The following STAG1 variants were observed in gnomAD, a reference collection of about 807,000 sequenced individuals.
STAG1 encodes cohesin subunit SA-1.
Under a neutral mutation model 170.9 loss-of-function variants are expected in STAG1, and 26 were observed. That is an observed-to-expected ratio of 0.15 (90% confidence interval 0.11 to 0.21). STAG1 has a LOEUF of 0.21. STAG1 is among the 10% of genes least tolerant of loss of function. STAG1 has a pLI of 1.00. For synonymous variants in STAG1, 514 were observed against 497.7 expected (o/e 1.03, Z -0.44); for missense variants, 964 against 1,509.5 (o/e 0.64, Z 5.99).
At chr3:136,435,141 G>C (rs144732327) in intron 15 of STAG1, among the ~76,000 whole-genome samples, 1 of 152,096 alleles carries the variant, frequency 6.6e-6, no homozygotes, top group Admixed American at 6.6e-5. Context: ...GAATATATAA[G>C]CAAGTTTCCC....
intron 28 of STAG1, among the ~76,000 whole-genome samples, chr3:136,350,594 A>G (rs781439754): frequency 6.6e-6 from 1 of 152,130 alleles, no homozygotes; most frequent in Non-Finnish European, 1.5e-5. Context: ...CTGCTCAAAG[A>G]GCCAGAGGTG....
rs571220351 is a variant in STAG1, at chr3:136,341,778, C to T, written c.3447-227G>A. Among the ~76,000 whole-genome samples the T allele has an allele frequency of 2.0e-5, 3 of 152,296 alleles. No homozygotes were observed. In the East Asian group the frequency reaches 5.8e-4, roughly 29 times the overall value. On this transcript the variant is annotated intron_variant, in intron 30 of 33. Transcript: ENST00000383202. ...ATTGTTAGATGCTTAAACTATCAAC[C>T]AAATCTCTGCCAAACAAGGGTTCTC...
intron 1 of STAG1, among the ~76,000 whole-genome samples, chr3:136,684,751 G>A (rs745384529): frequency 5.5e-5 from 8 of 146,510 alleles, no homozygotes; most frequent in Non-Finnish European, 1.2e-4. Context: ...ACTCCAGACT[G>A]GGCAACAGAG....
In STAG1 at chr3:136,413,436, C is replaced by A. The variant is rs2087684946; in HGVS notation, c.2196+4449G>T. On this transcript the variant is annotated intron_variant, in intron 21 of 33. Coordinates refer to ENST00000383202, the MANE Select transcript of STAG1 (RefSeq NM_005862.3). ...AAAAAATTATTAGAATACGTAATTTCTTTTTGATCTGCCACATATTATTAT... is the reference window on the plus strand; with the variant it reads ...AAAAAATTATTAGAATACGTAATTTATTTTTGATCTGCCACATATTATTAT... 2.6e-5 allele frequency among the ~76,000 whole-genome samples: 4 copies of A among 151,338 alleles called. 1 individual carries two copies. In the South Asian group the frequency reaches 8.3e-4, roughly 31 times the overall value.
chr3:136,356,389 C>T (rs1266196488), intron 28 of STAG1, among the ~76,000 whole-genome samples: 2 of 152,036 alleles, frequency 1.3e-5, no homozygotes, highest in African/African-American at 4.8e-5. Flanking sequence ...TTTAAAAAAT[C>T]GACTGATTGA....
At position 136,422,406 on chromosome 3, in the gene STAG1, A is replaced by C; in HGVS notation, c.2037+4T>G. ...TATATGTACACATTAACTTTAGAAC[A>C]GACCTCTTGCAATAGGTCTTCCACA... On this transcript the variant is annotated splice_donor_region_variant and intron_variant, in intron 19 of 33. Transcript: ENST00000383202. 1 of 1,613,716 alleles carries C rather than the reference A, an allele frequency of 6.2e-7. No individual in the cohort carries two copies. The highest frequency in any genetic ancestry group is 8.5e-7 in the Non-Finnish European group (1 of 1,179,690).
chr3:136,579,958 ATTTTTTTTTTTTTT>A (rs749325884), intron 4 of STAG1, among the ~76,000 whole-genome samples: 8 of 73,626 alleles, frequency 1.1e-4, no homozygotes, highest in African/African-American at 2.9e-4. Flanking sequence ...TACCATCTGA[ATTTTTTTTTTTTTT>A]TTTTTTTTTT....
intron 4 of STAG1, among the ~76,000 whole-genome samples, chr3:136,583,626 T>C (rs1324937728): frequency 6.6e-6 from 1 of 151,906 alleles, no homozygotes; most frequent in African/African-American, 2.4e-5. Flanking sequence ...CTGTCTCTAC[T>C]AAAAATACAA....
chr3:136,598,504 G>A (rs1938526944), intron 4 of STAG1, among the ~76,000 whole-genome samples: 1 of 150,732 alleles, frequency 6.6e-6, no homozygotes, highest in African/African-American at 2.4e-5. Flanking sequence ...TCGGCTCACT[G>A]CAAGCTCCAC....
chr3:136,408,090 T>G (rs1303506664), intron 21 of STAG1, among the ~76,000 whole-genome samples: 1 of 152,198 alleles, frequency 6.6e-6, no homozygotes, highest in African/African-American at 2.4e-5. Flanking sequence ...TTTATCCTTC[T>G]GTATTTAACT....
intron 6 of STAG1, among the ~76,000 whole-genome samples, chr3:136,526,441 T>A (rs559889114): frequency 6.6e-6 from 1 of 152,308 alleles, no homozygotes; most frequent in East Asian, 1.9e-4. Flanking sequence ...TGTTTTCCAT[T>A]TGCTTGGTAG....
chr3:136,544,345 A>G (rs977406339), intron 5 of STAG1, among the ~76,000 whole-genome samples: 1 of 152,180 alleles, frequency 6.6e-6, no homozygotes, highest in Non-Finnish European at 1.5e-5. Flanking sequence ...ATAAACTCCA[A>G]GCCTTCTATA....
At chr3:136,473,261 A>G (rs567915269) in intron 11 of STAG1, among the ~76,000 whole-genome samples, 1 of 152,238 alleles carries the variant, frequency 6.6e-6, no homozygotes, top group African/African-American at 2.4e-5. Flanking sequence ...GAGTTGTATA[A>G]TTGTTTCATT....
At chr3:136,497,172 T>C (rs1311973770) in intron 9 of STAG1, among the ~76,000 whole-genome samples, 1 of 152,128 alleles carries the variant, frequency 6.6e-6, no homozygotes, top group Non-Finnish European at 1.5e-5. Flanking sequence ...GAAGAAATAA[T>C]ACCAGTTCTA....
intron 5 of STAG1, among the ~76,000 whole-genome samples, chr3:136,546,990 A>G (rs1277508803): frequency 6.6e-6 from 1 of 152,074 alleles, no homozygotes; most frequent in Non-Finnish European, 1.5e-5. Context: ...TGCCACTAAG[A>G]TTTTCTCAAC....
At chr3:136,463,863 A>T (rs1359966686) in intron 13 of STAG1, among the ~76,000 whole-genome samples, 1 of 146,398 alleles carries the variant, frequency 6.8e-6, no homozygotes, top group Non-Finnish European at 1.5e-5. Flanking sequence ...ATATATATTT[A>T]TATATACATA....
intron 29 of STAG1, among the ~76,000 whole-genome samples, chr3:136,348,390 C>A (rs17200216): frequency 0.2 from 29,831 of 151,208 alleles, 3,236 homozygotes; most frequent in Non-Finnish European, 0.24. Context: ...GGTTATAAAA[C>A]CAGATTTAGC....
At chr3:136,432,514 T>TTG (rs1491362787) in intron 16 of STAG1, among the ~76,000 whole-genome samples, 1 of 100,388 alleles carries the variant, frequency 1.0e-5, no homozygotes, top group Admixed American at 9.1e-5. Flanking sequence ...TCTTTTTTTT[T>TTG]GGGGGGGGGG....
At chr3:136,466,511 C>T (rs1278623077) in intron 12 of STAG1, among the ~76,000 whole-genome samples, 2 of 152,072 alleles carry the variant, frequency 1.3e-5, no homozygotes, top group Non-Finnish European at 2.9e-5. Context: ...CGTAAAAAGA[C>T]CAAATCTACG....
Sources: allele counts gnomAD v4.1 joint callset (sites outside exome capture counted in the v4.1 genomes callset), GRCh38; gene constraint gnomAD v4.1.1; transcripts MANE v1.5; gene names NCBI Gene and HGNC (gene_info 2026-07-23, HGNC 2026-07-21).